The following CDK7 variants were observed in gnomAD, a reference collection of about 807,000 sequenced individuals.
CDK7 encodes the protein cyclin dependent kinase 7.
CDK7 carries 25 observed loss-of-function variants against 49.1 expected under a neutral mutation model. The observed-to-expected ratio is 0.51, with a 90% CI of 0.37 to 0.71. CDK7 has a LOEUF of 0.71. Ranked by LOEUF, CDK7 falls within the 30% of genes least tolerant of loss-of-function variation. CDK7 has a pLI of 0.00. For missense variants in CDK7, 316 were observed against 411.7 expected, an observed-to-expected ratio of 0.77 and a Z score of 2.01; for synonymous variants, 107 against 140.0, an observed-to-expected ratio of 0.76 and a Z score of 1.67.
At chr5:69,235,148 T>C in intron 1 of CDK7, 107 bp downstream of exon 1, 1 of 1,120,100 alleles carries the variant, frequency 8.9e-7, no homozygotes, top group Non-Finnish European at 1.3e-6. Flanking sequence ...TGGCTGCTCG[T>C]TCTCGTTGGG....
chr5:69,249,152 A>ATTTTTTTTATT (rs1749968340), intron 2 of CDK7, among the ~76,000 whole-genome samples: 1 of 151,150 alleles, frequency 6.6e-6, no homozygotes, highest in Non-Finnish European at 1.5e-5. Flanking sequence ...GGCACGTCTC[A>ATTTTTTTTATT]TTTCTTTATT....
intron 9 of CDK7, among the ~76,000 whole-genome samples, chr5:69,271,743 C>G (rs1751569244): frequency 6.6e-6 from 1 of 152,014 alleles, no homozygotes; most frequent in Admixed American, 6.6e-5. Context: ...AACTCGTGAG[C>G]TCAAACGATT....
intron 8 of CDK7, among the ~76,000 whole-genome samples, chr5:69,267,638 A>C (rs539842863): frequency 1.1e-4 from 17 of 152,068 alleles, no homozygotes; most frequent in African/African-American, 3.9e-4. Context: ...TACCATTGTC[A>C]TCTGAAAAAA....
In CDK7 at chr5:69,262,318, A is replaced by C. The variant is rs542507570; in HGVS notation, c.627+14A>C. ...TTACTTCTAAGGGTAAGTCTAAATT[A>C]ATGTACGCACTTTAATATTGTTGTT... is the stretch of plus-strand genomic sequence containing the variant. On this transcript the variant is annotated intron_variant, in intron 8 of 11. Coordinates refer to ENST00000256443, the MANE Select transcript of CDK7 (RefSeq NM_001799.4). 5 of 1,614,068 alleles carry C rather than the reference A, an allele frequency of 3.1e-6. No individual in the cohort carries two copies. The highest frequency in any genetic ancestry group is 3.4e-6 in the Non-Finnish European group (4 of 1,179,968).
Position 69,235,399 on chromosome 5 carries a change from C to T in CDK7, c.72C>T (p.Ala24=), listed in dbSNP as rs1748895075. 1.9e-6 allele frequency: 3 copies of T among 1,598,102 alleles called. No individual in the cohort carries two copies. The highest frequency in any genetic ancestry group is 1.3e-5 in the African/African-American group (1 of 74,394). The change falls in exon 2 of 12, where the codon GCC becomes GCT. Residue 24 remains alanine, a synonymous_variant. Coordinates refer to ENST00000256443, the MANE Select transcript of CDK7 (RefSeq NM_001799.4). The stretch of plus-strand genomic sequence containing the variant: ...ATTTCTATTTTTCTTTCTAGTTTGC[C>T]ACCGTTTACAAGGCCAGAGATAAGA... The part of the protein sequence containing the change: ...KLDFLGEGQF[A]TVYKARDKNT...
chr5:69,249,612 C>T (rs1750006056), intron 2 of CDK7, among the ~76,000 whole-genome samples: 1 of 152,074 alleles, frequency 6.6e-6, no homozygotes, highest in Non-Finnish European at 1.5e-5. Flanking sequence ...CTTTGGGAGG[C>T]CACGGTGGGT....
At chr5:69,256,923 T>C (rs1038828747) in intron 5 of CDK7, among the ~76,000 whole-genome samples, 1 of 152,108 alleles carries the variant, frequency 6.6e-6, no homozygotes, top group Non-Finnish European at 1.5e-5. Flanking sequence ...TTTGGCTTTA[T>C]TAATAATTAT....
intron 2 of CDK7, among the ~76,000 whole-genome samples, chr5:69,244,319 G>T (rs1292212734): frequency 6.6e-6 from 1 of 152,100 alleles, no homozygotes; most frequent in East Asian, 1.9e-4. Context: ...TGAATTATCA[G>T]TTCTAGTCGT....
At chr5:69,253,505 A>G (rs1367130077) in intron 3 of CDK7, among the ~76,000 whole-genome samples, 1 of 152,076 alleles carries the variant, frequency 6.6e-6, no homozygotes, top group Admixed American at 6.6e-5. Flanking sequence ...GCCTCAAGTG[A>G]TCTGCCCACC....
At chr5:69,235,529 T>A (rs1272968925) in intron 2 of CDK7, 76 bp downstream of exon 2, 1 of 973,130 alleles carries the variant, frequency 1.0e-6, no homozygotes, top group African/African-American at 1.6e-5. Context: ...AGCCATTTTA[T>A]TAGTCTTGAC....
At chr5:69,244,297 C>T (rs958392923) in intron 2 of CDK7, among the ~76,000 whole-genome samples, 2 of 151,972 alleles carry the variant, frequency 1.3e-5, no homozygotes, top group African/African-American at 4.8e-5. Context: ...TTTTTGTATC[C>T]TGCAACTTTT....
chr5:69,241,248 C>G (rs1749351441), intron 2 of CDK7, among the ~76,000 whole-genome samples: 1 of 150,974 alleles, frequency 6.6e-6, no homozygotes, highest in Non-Finnish European at 1.5e-5. Context: ...CACCAGGATT[C>G]ATCCTTATCT....
intron 2 of CDK7, among the ~76,000 whole-genome samples, chr5:69,236,630 A>AT (rs1405139613): frequency 6.6e-6 from 1 of 151,494 alleles, no homozygotes; most frequent in Admixed American, 6.6e-5. Context: ...TCCTGCCATA[A>AT]TTTTTTTATT....
Position 69,236,954 on chromosome 5 carries a change from CTTTTTTTTTT to C in CDK7, c.126+1517_126+1526del, listed in dbSNP as rs4053029. On this transcript the variant is annotated intron_variant, in intron 2 of 11. Transcript: ENST00000256443. ...GGTGTGAGCCACTGTGCCTGGCCTT[CTTTTTTTTTT>C]TTTTTTTTTTTTTTTAACTTTTTTA... Among the ~76,000 whole-genome samples the C allele has an allele frequency of 9.1e-3, 766 of 84,294 alleles. 14 individuals are homozygous for C. The highest frequency in any genetic ancestry group is 0.033 in the African/African-American group (726 of 22,050). 55.3% of individuals were successfully genotyped at this position (84,294 alleles called of 152,430 possible).
intron 2 of CDK7, among the ~76,000 whole-genome samples, chr5:69,240,534 A>G (rs560099694): frequency 6.6e-6 from 1 of 152,336 alleles, no homozygotes; most frequent in African/African-American, 2.4e-5. Context: ...AATATTGGTC[A>G]CTGTTGAATC....
At chr5:69,235,595 T>C in intron 2 of CDK7, 142 bp downstream of exon 2, 2 of 670,460 alleles carry the variant, frequency 3.0e-6, no homozygotes, top group Non-Finnish European at 5.3e-6. Context: ...AATTAATTAG[T>C]GCTTTGTGTT....
In CDK7 at chr5:69,257,228, G is replaced by A. The variant is rs1017777036; in HGVS notation, c.298-815G>A. 3.3e-5 allele frequency among the ~76,000 whole-genome samples: 5 copies of A among 152,230 alleles called. No individual in the cohort carries two copies. The East Asian group carries it at 5.8e-4, about 18-fold the overall frequency. On this transcript the variant is annotated intron_variant, in intron 5 of 11. Coordinates refer to ENST00000256443, the MANE Select transcript of CDK7 (RefSeq NM_001799.4). ...GCCTCAGGGAATTTGGGGAGGTTAC[G>A]GAACTATGCTTTGATTATAGTGGTG...
intron 2 of CDK7, among the ~76,000 whole-genome samples, chr5:69,239,280 GA>G (rs977840808): frequency 1.4e-4 from 21 of 152,150 alleles, no homozygotes; most frequent in African/African-American, 4.3e-4. Flanking sequence ...TACGTAGATT[GA>G]AAATGGTATG....
chr5:69,247,201 C>T (rs945516513), intron 2 of CDK7, among the ~76,000 whole-genome samples: 1 of 152,110 alleles, frequency 6.6e-6, no homozygotes, highest in Admixed American at 6.6e-5. Flanking sequence ...GGTGTTGAAG[C>T]CTCCACCTAT....
Sources: allele counts gnomAD v4.1 joint callset (sites outside exome capture counted in the v4.1 genomes callset), GRCh38; gene constraint gnomAD v4.1.1; transcripts MANE v1.5; gene names NCBI Gene and HGNC (gene_info 2026-07-23, HGNC 2026-07-21).